PROS1: variants seen among roughly 807,000 people sequenced by gnomAD.
The protein encoded by PROS1 is vitamin K-dependent protein S.
In PROS1, 29 loss-of-function variants were observed where a neutral mutation model predicts 75.9. The observed-to-expected ratio is 0.38, with a 90% CI of 0.28 to 0.52. The LOEUF (loss-of-function observed/expected upper bound fraction) is 0.52. PROS1 is among the 20% of genes least tolerant of loss of function. The pLI, the probability that PROS1 is intolerant of heterozygous loss-of-function variation, is 0.83. For missense variants in PROS1, 680 were observed against 810.3 expected, an observed-to-expected ratio of 0.84 and a Z score of 1.95; for synonymous variants, 245 against 280.6, an observed-to-expected ratio of 0.87 and a Z score of 1.27.
At chr3:93,888,329 T>C (rs1708381641) in intron 10 of PROS1, among the ~76,000 whole-genome samples, 1 of 152,206 alleles carries the variant, frequency 6.6e-6, no homozygotes. Context: ...ACTTTATGCA[T>C]AGAAGCAAGC....
At chr3:93,938,204 T>C (rs1709219191) in intron 1 of PROS1, among the ~76,000 whole-genome samples, 1 of 152,142 alleles carries the variant, frequency 6.6e-6, no homozygotes, top group Non-Finnish European at 1.5e-5. Context: ...TGAAATTCCT[T>C]CTCCTGGCTC....
intron 7 of PROS1, among the ~76,000 whole-genome samples, chr3:93,899,053 G>A (rs1043117518): frequency 2.6e-5 from 4 of 151,832 alleles, no homozygotes; most frequent in Non-Finnish European, 5.9e-5. Context: ...TTTAACTGAA[G>A]GTTGATACAA....
chr3:93,905,974 A>G (rs1356572086), intron 5 of PROS1, 47 bp downstream of exon 5: 11 of 1,613,648 alleles, frequency 6.8e-6, no homozygotes, highest in Non-Finnish European at 8.5e-6. Flanking sequence ...AGAACTTTTC[A>G]GGAGACCAAT....
Position 93,898,419 on chromosome 3 carries a change from T to G in PROS1, c.849+29A>C, listed in dbSNP as rs373668396. On this transcript the variant is annotated intron_variant, in intron 8 of 14. Transcript: ENST00000394236. ...AGGATCTCTCATTTTAGAAAACAGGTGAGAAGTTAAGCATTGTAAAATGTT... is the reference window on the plus strand; with the variant it reads ...AGGATCTCTCATTTTAGAAAACAGGGGAGAAGTTAAGCATTGTAAAATGTT... 1.0e-4 allele frequency: 162 copies of G among 1,610,586 alleles called. 1 individual carries two copies. The Admixed American group carries it at 2.6e-3, about 26-fold the overall frequency.
intron 1 of PROS1, among the ~76,000 whole-genome samples, chr3:93,943,581 A>T (rs1185804096): frequency 6.6e-6 from 1 of 152,092 alleles, no homozygotes; most frequent in Non-Finnish European, 1.5e-5. Flanking sequence ...CCTGAGAAAC[A>T]TTGACCATTA....
chr3:93,948,545 G>A (rs1334579600), intron 1 of PROS1, among the ~76,000 whole-genome samples: 2 of 152,114 alleles, frequency 1.3e-5, no homozygotes, highest in Non-Finnish European at 2.9e-5. Context: ...GGGAGTCTAA[G>A]TCTCTTTTAT....
intron 3 of PROS1, among the ~76,000 whole-genome samples, chr3:93,914,836 T>C (rs1708816094): frequency 6.6e-6 from 1 of 152,152 alleles, no homozygotes; most frequent in Non-Finnish European, 1.5e-5. Context: ...CTCCACCAGT[T>C]CTCCGAAGTC....
In PROS1 at chr3:93,897,333, G is replaced by A. The variant is rs185143373; in HGVS notation, c.850-642C>T. 3.2e-4 allele frequency among the ~76,000 whole-genome samples: 49 copies of A among 150,942 alleles called. No homozygotes were observed. The East Asian group carries it at 9.3e-3, about 29-fold the overall frequency. On this transcript the variant is annotated intron_variant, in intron 8 of 14. Coordinates refer to ENST00000394236, the MANE Select transcript of PROS1 (RefSeq NM_000313.4). ...GTGAAAACAAACATTAAAATGAAAA[G>A]CTTTTAACATACAAATTATTGAACA...
At chr3:93,877,219 A>G in intron 13 of PROS1, 28 bp from the exon 14 acceptor site, 4 of 1,523,962 alleles carry the variant, frequency 2.6e-6, no homozygotes, top group Non-Finnish European at 3.6e-6. Context: ...GATTCAATAT[A>G]AGCAAGGAGT....
chr3:93,918,311 G>T (rs1156500782), intron 3 of PROS1, among the ~76,000 whole-genome samples: 1 of 152,078 alleles, frequency 6.6e-6, no homozygotes, highest in Non-Finnish European at 1.5e-5. Flanking sequence ...TCAATCAGCA[G>T]GATGTGGGTG....
At chr3:93,960,997 A>C (rs1709698334) in intron 1 of PROS1, among the ~76,000 whole-genome samples, 4 of 152,074 alleles carry the variant, frequency 2.6e-5, no homozygotes, top group Non-Finnish European at 4.4e-5. Context: ...GAAAAAAAAA[A>C]CACTTTTCTA....
rs1415347846 is a variant in PROS1 at position 93,973,843 on chromosome 3, G to A, written c.-94C>T. On this transcript the variant is annotated 5_prime_UTR_variant, in exon 1 of 15. Transcript: ENST00000394236. ...GCGGAGCTGCGAGCCTGTGCGCCTCGGTCTGAGCCGTGCTGCGCGGCGGCG... is the reference window on the plus strand; with the variant it reads ...GCGGAGCTGCGAGCCTGTGCGCCTCAGTCTGAGCCGTGCTGCGCGGCGGCG... 1.8e-6 allele frequency: 2 copies of A among 1,102,162 alleles called. No homozygotes were observed. The highest frequency in any genetic ancestry group is 1.7e-5 in the African/African-American group (1 of 59,358). 68.3% of individuals were successfully genotyped at this position (1,102,162 alleles called of 1,614,324 possible).
Position 93,906,010 on chromosome 3 carries a change from A to C in PROS1, c.469+11T>G. On this transcript the variant is annotated intron_variant, in intron 5 of 14. Coordinates refer to ENST00000394236, the MANE Select transcript of PROS1 (RefSeq NM_000313.4). Reference sequence around the variant, plus strand: ...CCTGATGAGCTGGGGGGCGGGGGTTATTATACGTACCAAATTCACACTTTT... The same window carrying C: ...CCTGATGAGCTGGGGGGCGGGGGTTCTTATACGTACCAAATTCACACTTTT... 1.9e-6 allele frequency: 3 copies of C among 1,614,062 alleles called. No homozygotes were observed. Among genetic ancestry groups the C allele is most frequent in the Non-Finnish European group, 2.5e-6 (3 of 1,179,960 alleles).
intron 1 of PROS1, among the ~76,000 whole-genome samples, chr3:93,948,619 A>G (rs1190090356): frequency 6.6e-6 from 1 of 152,212 alleles, no homozygotes; most frequent in Non-Finnish European, 1.5e-5. Context: ...TTAGAATTTT[A>G]TGTTGTTTAT....
At chr3:93,967,228 A>G (rs916908289) in intron 1 of PROS1, among the ~76,000 whole-genome samples, 1 of 152,204 alleles carries the variant, frequency 6.6e-6, no homozygotes, top group Non-Finnish European at 1.5e-5. Context: ...CACATAGTTC[A>G]ATCAGATTAT....
At chr3:93,896,931 C>A in intron 8 of PROS1, among the ~76,000 whole-genome samples, 1 of 152,146 alleles carries the variant, frequency 6.6e-6, no homozygotes, top group East Asian at 1.9e-4. Flanking sequence ...ATGTGCATGG[C>A]TTTCGATCTT....
intron 1 of PROS1, among the ~76,000 whole-genome samples, chr3:93,960,409 C>A (rs1378108718): frequency 6.6e-6 from 1 of 151,734 alleles, no homozygotes. Context: ...ATCTCCTGAC[C>A]CTGAGATCCG....
chr3:93,968,472 A>G (rs1482671844), intron 1 of PROS1, among the ~76,000 whole-genome samples: 1 of 152,208 alleles, frequency 6.6e-6, no homozygotes, highest in Non-Finnish European at 1.5e-5. Context: ...AGACTTCAAA[A>G]TTGTGAGACC....
chr3:93,876,010 A>T (rs1450566600), intron 14 of PROS1, among the ~76,000 whole-genome samples: 1 of 152,162 alleles, frequency 6.6e-6, no homozygotes, highest in East Asian at 1.9e-4. Flanking sequence ...TGGAATCTCC[A>T]TCCATGCAAC....
Sources: gnomAD v4.1 joint callset for allele counts (sites outside exome capture counted in the v4.1 genomes callset) on GRCh38, gnomAD v4.1.1 for gene constraint, MANE v1.5 for transcripts, NCBI Gene and HGNC (gene_info 2026-07-23, HGNC 2026-07-21) for gene names.